TBCD: variants seen among roughly 807,000 people sequenced by gnomAD.
TBCD encodes tubulin-specific chaperone D.
Under a neutral mutation model 169.3 loss-of-function variants are expected in TBCD, and 105 were observed. The ratio of observed to expected loss-of-function variants is 0.62; its 90% confidence interval spans 0.53 to 0.73. The LOEUF is 0.73. Ranked by LOEUF, TBCD falls within the 30% of genes least tolerant of loss-of-function variation. TBCD has a pLI of 0.00. For synonymous variants in TBCD, 700 were observed against 643.9 expected (o/e 1.09, Z -1.32); for missense variants, 1,444 against 1,600.1 (o/e 0.90, Z 1.66).
chr17:82,828,870 G>A (rs911213201), intron 13 of TBCD, among the ~76,000 whole-genome samples: 1 of 145,206 alleles, frequency 6.9e-6, no homozygotes, highest in Non-Finnish European at 1.5e-5. Context: ...ATGTACACAT[G>A]CACACTAACA....
At position 82,828,029 on chromosome 17, in the gene TBCD, A is replaced by G. The variant is rs540825977; in HGVS notation, c.1318+13095A>G. On this transcript the variant is annotated intron_variant, in intron 13 of 38. Transcript: ENST00000355528. Reference sequence around the variant, plus strand: ...CACCTGCAGATATGTACACGTGGACACGCACGATTCAATATGCATACACCC... The same window carrying G: ...CACCTGCAGATATGTACACGTGGACGCGCACGATTCAATATGCATACACCC... Among the ~76,000 whole-genome samples, 4 of 150,384 alleles carry G rather than the reference A, an allele frequency of 2.7e-5. No homozygotes were observed. In the South Asian group the frequency reaches 8.5e-4, roughly 32 times the overall value.
In TBCD at chr17:82,889,816, A is replaced by G. The variant is rs990681765; in HGVS notation, c.1563+119A>G. On this transcript the variant is annotated intron_variant, in intron 16 of 38. Coordinates refer to ENST00000355528, the MANE Select transcript of TBCD (RefSeq NM_005993.5). This position sits in a 1 kb window ranked among gnomAD's most constrained non-coding sequence, Gnocchi z 5.3. ...TGTGAGATGTGGTGTGGCTACATCAATGCCAGGGTCATGAGTTCACTATAG... is the reference window on the plus strand; with the variant it reads ...TGTGAGATGTGGTGTGGCTACATCAGTGCCAGGGTCATGAGTTCACTATAG... 100 of 1,177,032 alleles carry G rather than the reference A, an allele frequency of 8.5e-5. No individual in the cohort carries two copies. Among genetic ancestry groups the G allele is most frequent in the Admixed American group, 2.2e-4 (9 of 41,046 alleles). 72.9% of individuals were successfully genotyped at this position (1,177,032 alleles called of 1,614,324 possible).
chr17:82,812,463 A>G (rs1011303067), intron 12 of TBCD, among the ~76,000 whole-genome samples: 1 of 152,152 alleles, frequency 6.6e-6, no homozygotes, highest in African/African-American at 2.4e-5. Context: ...CCCAGACCCC[A>G]GAGCCCCCCC....
At chr17:82,828,050 C>T (rs2053053496) in intron 13 of TBCD, among the ~76,000 whole-genome samples, 1 of 150,798 alleles carries the variant, frequency 6.6e-6, no homozygotes, top group African/African-American at 2.4e-5. Context: ...AATATGCATA[C>T]ACCCACAGAT....
chr17:82,880,074 C>T lies in TBCD; in HGVS notation c.1476-4071C>T, dbSNP rs1224803141. ...ATCTACCTTCACAGCCAGCCACGTCCACGTCTCGCTTCATCCTTCACGTAC... is the reference window on the plus strand; with the variant it reads ...ATCTACCTTCACAGCCAGCCACGTCTACGTCTCGCTTCATCCTTCACGTAC... On this transcript the variant is annotated intron_variant, in intron 14 of 38. Coordinates refer to ENST00000355528, the MANE Select transcript of TBCD (RefSeq NM_005993.5). The surrounding 1 kb of genome is among the most constrained non-coding windows in gnomAD (Gnocchi z 5.0). 1.3e-5 allele frequency among the ~76,000 whole-genome samples: 2 copies of T among 152,170 alleles called. No individual in the cohort carries two copies. The highest frequency in any genetic ancestry group is 4.8e-5 in the African/African-American group (2 of 41,418).
intron 7 of TBCD, among the ~76,000 whole-genome samples, chr17:82,794,339 C>T (rs2049957563): frequency 6.6e-6 from 1 of 152,166 alleles, no homozygotes; most frequent in African/African-American, 2.4e-5. Flanking sequence ...AGGATGATTG[C>T]TGAGAAACTC....
At chr17:82,855,644 A>T (rs1427275857) in intron 13 of TBCD, among the ~76,000 whole-genome samples, 1 of 152,170 alleles carries the variant, frequency 6.6e-6, no homozygotes, top group Non-Finnish European at 1.5e-5. Flanking sequence ...ACATAACATA[A>T]AAATAACCAT....
In TBCD at chr17:82,831,910, A is replaced by C; in HGVS notation, c.1318+16976A>C. ...CTTGGCAGTGGGGTTGTGTAAAGCC[A>C]GTGTCTCGGGCGCCTCGGCGTTGTC... On this transcript the variant is annotated intron_variant, in intron 13 of 38. Transcript: ENST00000355528. This position sits in a 1 kb window ranked among gnomAD's most constrained non-coding sequence, Gnocchi z 4.6. 2 of 1,614,164 alleles carry C rather than the reference A, an allele frequency of 1.2e-6. No homozygotes were observed. Among genetic ancestry groups the C allele is most frequent in the Non-Finnish European group, 8.5e-7 (1 of 1,180,028 alleles).
At chr17:82,788,798 G>C (rs914268431) in intron 7 of TBCD, among the ~76,000 whole-genome samples, 7 of 152,154 alleles carry the variant, frequency 4.6e-5, no homozygotes, top group African/African-American at 1.7e-4. Flanking sequence ...TGCTGACTCC[G>C]TCTCTCCTGT....
rs746095752 is a variant in TBCD, at chr17:82,814,851, C to T, written c.1235C>T (p.Thr412Ile). 1 of 1,613,890 alleles carries T rather than the reference C, an allele frequency of 6.2e-7. No individual in the cohort carries two copies. The highest frequency in any genetic ancestry group is 8.5e-7 in the Non-Finnish European group (1 of 1,179,874). ...SVLDCFSFQE[T>I]DKAWHGGCLA... ...TTTGTTGCTCTCAGTTTCCAGGAGA[C>T]TGACAAGGCGTGGCATGGGGGATGT... The change falls in exon 13 of 39, where the codon ACT becomes ATT. Residue 412 changes from threonine (T) to isoleucine (I), a missense_variant. By Grantham distance (89) the Thr-to-Ile change is moderately conservative. Coordinates refer to ENST00000355528, the MANE Select transcript of TBCD (RefSeq NM_005993.5).
chr17:82,875,501 A>G (rs8078446), intron 14 of TBCD, among the ~76,000 whole-genome samples: 151,399 of 152,390 alleles, frequency 0.99, 75,214 homozygotes, highest in South Asian at 1. Context: ...TAAGCAGCTC[A>G]TGTTGACATC....
chr17:82,944,889 T>C lies in TBCD; in HGVS notation c.*2426T>C, dbSNP rs950515696. On this transcript the variant is annotated 3_prime_UTR_variant, in exon 39 of 39. Coordinates refer to ENST00000355528, the MANE Select transcript of TBCD (RefSeq NM_005993.5). ...CACTATATAAAGCTGGGACCCTAAA[T>C]AAGTCTTTTTCAAAGGAACAGCAGC... The C allele has an allele frequency of 2.0e-5, 3 of 152,144 alleles. No homozygotes were observed. The highest frequency in any genetic ancestry group is 7.2e-5 in the African/African-American group (3 of 41,422). 9.4% of individuals were successfully genotyped at this position (152,144 alleles called of 1,614,324 possible). A position where few individuals can be genotyped will look rare whatever the true frequency, so the allele number is the denominator to read the frequency against.
intron 6 of TBCD, among the ~76,000 whole-genome samples, chr17:82,778,772 C>T (rs1403794304): frequency 6.6e-6 from 1 of 151,890 alleles, no homozygotes; most frequent in East Asian, 1.9e-4. Context: ...AGTGATTATC[C>T]TGCCTCAGCC....
chr17:82,900,699 C>G lies in TBCD; in HGVS notation c.1698C>G (p.His566Gln). Residue 566 changes from histidine (H) to glutamine (Q), a missense_variant, in exon 18 of 39, where the codon CAC becomes CAG. His to Gln is a conservative substitution (Grantham distance 24). Coordinates refer to ENST00000355528, the MANE Select transcript of TBCD (RefSeq NM_005993.5). Reference protein sequence around the residue: ...FPEYTQPMIDHLVTMKISHWD... With the variant: ...FPEYTQPMIDQLVTMKISHWD... ...AGTACACGCAGCCAATGATAGACCA[C>G]CTGGTTACCATGAAGATCAGCCACT... 2 of 1,614,002 alleles carry G rather than the reference C, an allele frequency of 1.2e-6. No individual in the cohort carries two copies. The highest frequency in any genetic ancestry group is 1.7e-6 in the Non-Finnish European group (2 of 1,179,886).
intron 17 of TBCD, among the ~76,000 whole-genome samples, chr17:82,896,863 G>A (rs1386770680): frequency 2.6e-5 from 4 of 152,062 alleles, no homozygotes; most frequent in African/African-American, 4.8e-5. Context: ...GGTCCTTGCC[G>A]GCGCTGGGGG....
intron 15 of TBCD, among the ~76,000 whole-genome samples, chr17:82,888,748 G>A (rs941779901): frequency 5.3e-5 from 8 of 152,198 alleles, no homozygotes; most frequent in Admixed American, 4.6e-4. Flanking sequence ...CTTGGTGCCC[G>A]TCTGTGTGTG....
At chr17:82,921,951 C>G (rs1259958430) in intron 25 of TBCD, among the ~76,000 whole-genome samples, 2 of 152,126 alleles carry the variant, frequency 1.3e-5, no homozygotes, top group Admixed American at 6.5e-5. Context: ...AAAACAGCAC[C>G]CCAGGACCTC....
In TBCD at chr17:82,899,173, C is replaced by CGTCCTCGGCTCGT. The variant is rs879771512; in HGVS notation, c.1650-1471_1650-1459dup. ...GTCCTCAGCGTGTCCGCAGTGCGCG[C>CGTCCTCGGCTCGT]GTCCTCGGCTCGTGTCCTCAGCGCG... On this transcript the variant is annotated intron_variant, in intron 17 of 38. Transcript: ENST00000355528. Among the ~76,000 whole-genome samples, 1,487 of 150,720 alleles carry CGTCCTCGGCTCGT rather than the reference C, an allele frequency of 9.9e-3. 81 individuals are homozygous for CGTCCTCGGCTCGT. Among genetic ancestry groups the CGTCCTCGGCTCGT allele is most frequent in the Admixed American group, 0.087 (1,312 of 15,146 alleles).
chr17:82,923,684 C>T lies in TBCD; in HGVS notation c.2211C>T (p.Cys737=). Residue 737 remains cysteine (C), a synonymous_variant, in exon 26 of 39, where the codon TGC becomes TGT. Coordinates refer to ENST00000355528, the MANE Select transcript of TBCD (RefSeq NM_005993.5). This position sits in a 1 kb window ranked among gnomAD's most constrained non-coding sequence, Gnocchi z 4.6. The stretch of plus-strand genomic sequence containing the variant: ...CAGTCTCGGCCCTGGCTGCTCTATG[C>T]AGTGAATATTACATGAAGGAGCCGG... ...DAAVSALAAL[C]SEYYMKEPGE... The T allele has an allele frequency of 6.3e-7, 1 of 1,596,032 alleles. No individual in the cohort carries two copies. The highest frequency in any genetic ancestry group is 1.1e-5 in the South Asian group (1 of 87,860).
Sources: gnomAD v4.1 joint callset for allele counts (sites outside exome capture counted in the v4.1 genomes callset) on GRCh38, gnomAD v4.1.1 for gene constraint, Gnocchi (gnomAD v3.1) non-coding constraint, MANE v1.5 for transcripts, NCBI Gene and HGNC (gene_info 2026-07-23, HGNC 2026-07-21) for gene names.